SLC25A48: variants seen among roughly 807,000 people sequenced by gnomAD.
SLC25A48 encodes the protein CTC-321K16.1.
SLC25A48 carries 29 observed loss-of-function variants against 32.2 expected under a neutral mutation model. The observed-to-expected ratio is 0.90, with a 90% CI of 0.67 to 1.23. The LOEUF (loss-of-function observed/expected upper bound fraction) is 1.23. SLC25A48 is among the 50% of genes most tolerant of loss of function. The pLI is 0.00. For missense variants in SLC25A48, 399 were observed against 422.7 expected, an observed-to-expected ratio of 0.94 and a Z score of 0.49; for synonymous variants, 164 against 172.3, an observed-to-expected ratio of 0.95 and a Z score of 0.38.
intron 3 of SLC25A48, among the ~76,000 whole-genome samples, chr5:135,777,747 G>T (rs1319062354): frequency 6.8e-6 from 1 of 148,078 alleles, no homozygotes; most frequent in Non-Finnish European, 1.5e-5. Context: ...AATACCGAAT[G>T]ATGTGTACAA....
chr5:135,684,811 G>T (rs1753979265), intron 3 of SLC25A48, among the ~76,000 whole-genome samples: 1 of 152,130 alleles, frequency 6.6e-6, no homozygotes, highest in African/African-American at 2.4e-5. Flanking sequence ...CCATTGTGTG[G>T]GTATAGCATA....
intron 4 of SLC25A48, among the ~76,000 whole-genome samples, chr5:135,813,396 G>T (rs188143191): frequency 6.4e-4 from 98 of 152,286 alleles, no homozygotes; most frequent in Admixed American, 2.1e-3. Context: ...TGAAGACAGG[G>T]CCAGAAGTGG....
At chr5:135,705,718 A>G (rs1361163579) in intron 3 of SLC25A48, among the ~76,000 whole-genome samples, 1 of 152,184 alleles carries the variant, frequency 6.6e-6, no homozygotes, top group African/African-American at 2.4e-5. Context: ...GCAAGTTTGA[A>G]CAAGTTACTC....
intron 2 of SLC25A48, among the ~76,000 whole-genome samples, chr5:135,844,812 G>A (rs933973657): frequency 3.3e-5 from 5 of 152,132 alleles, no homozygotes; most frequent in African/African-American, 1.2e-4. Context: ...GGGTCAGTGG[G>A]ACACCTCAAA....
At chr5:135,777,068 G>A (rs370586689) in intron 3 of SLC25A48, among the ~76,000 whole-genome samples, 6 of 151,736 alleles carry the variant, frequency 4.0e-5, no homozygotes, top group South Asian at 2.1e-4. Flanking sequence ...TCCCAATATC[G>A]CAGGGGTTGT....
At chr5:135,882,053 G>A (rs138308500) in intron 7 of SLC25A48, among the ~76,000 whole-genome samples, 5 of 152,236 alleles carry the variant, frequency 3.3e-5, no homozygotes, top group Admixed American at 6.5e-5. Context: ...ACCCAATCAC[G>A]ATTGTCCTGC....
At chr5:135,740,218 G>A (rs1435226626) in intron 3 of SLC25A48, among the ~76,000 whole-genome samples, 2 of 151,994 alleles carry the variant, frequency 1.3e-5, no homozygotes, top group African/African-American at 2.4e-5. Context: ...TTTTCAGACG[G>A]TGTCTCGGTC....
intron 3 of SLC25A48, among the ~76,000 whole-genome samples, chr5:135,665,882 C>A (rs780284997): frequency 6.6e-6 from 1 of 152,142 alleles, no homozygotes; most frequent in Non-Finnish European, 1.5e-5. Flanking sequence ...CCAGGTCCCA[C>A]ACTTTGGCCT....
intron 1 of SLC25A48, among the ~76,000 whole-genome samples, chr5:135,840,562 C>T (rs1758906555): frequency 6.6e-6 from 1 of 152,206 alleles, no homozygotes; most frequent in Non-Finnish European, 1.5e-5. Flanking sequence ...CTTCAAGAGT[C>T]ACTCCCATTT....
intron 1 of SLC25A48, among the ~76,000 whole-genome samples, chr5:135,627,991 G>A (rs952471566): frequency 6.6e-6 from 1 of 152,180 alleles, no homozygotes; most frequent in Admixed American, 6.5e-5. Context: ...TGAGAATGCT[G>A]AGGCATGCAC....
chr5:135,853,999 C>A (rs1428777335), intron 4 of SLC25A48, among the ~76,000 whole-genome samples: 1 of 152,198 alleles, frequency 6.6e-6, no homozygotes, highest in Non-Finnish European at 1.5e-5. Flanking sequence ...TGTATCTCCA[C>A]CAGAACTCTT....
chr5:135,878,204 G>C (rs1762191778), intron 6 of SLC25A48, among the ~76,000 whole-genome samples: 1 of 152,188 alleles, frequency 6.6e-6, no homozygotes, highest in Non-Finnish European at 1.5e-5. Context: ...GCTGTCTGCT[G>C]GTCTGAAGTG....
At chr5:135,610,842 A>C (rs1414441351) in intron 1 of SLC25A48, among the ~76,000 whole-genome samples, 1 of 152,224 alleles carries the variant, frequency 6.6e-6, no homozygotes, top group Non-Finnish European at 1.5e-5. Context: ...CATATAGAAA[A>C]TGCTTTCTCA....
At chr5:135,603,922 G>C (rs1424864253) in intron 1 of SLC25A48, among the ~76,000 whole-genome samples, 1 of 152,166 alleles carries the variant, frequency 6.6e-6, no homozygotes, top group African/African-American at 2.4e-5. Flanking sequence ...GGCCTTGTTG[G>C]TGTTTCCCCT....
At chr5:135,791,716 A>C (rs1191836518) in intron 3 of SLC25A48, among the ~76,000 whole-genome samples, 1 of 151,650 alleles carries the variant, frequency 6.6e-6, no homozygotes, top group Non-Finnish European at 1.5e-5. Context: ...ACACTGTGAT[A>C]TTATTGGTAA....
chr5:135,831,214 G>A (rs745682024), upstream of SLC25A48, among the ~76,000 whole-genome samples: 3 of 152,178 alleles, frequency 2.0e-5, no homozygotes, highest in Admixed American at 2.0e-4. Flanking sequence ...TCACACCTGG[G>A]AATGATGTGA....
At chr5:135,863,673 G>A (rs1420860651) in intron 4 of SLC25A48, among the ~76,000 whole-genome samples, 1 of 152,142 alleles carries the variant, frequency 6.6e-6, no homozygotes, top group Non-Finnish European at 1.5e-5. Flanking sequence ...TTTTACAGGT[G>A]AGAAAACCGA....
intron 3 of SLC25A48, among the ~76,000 whole-genome samples, chr5:135,760,186 C>T (rs1054415493): frequency 6.6e-6 from 1 of 152,182 alleles, no homozygotes; most frequent in Non-Finnish European, 1.5e-5. Context: ...TTGTTATACA[C>T]TTTATTACTA....
At chr5:135,835,149 A>G (rs1322336748) in intron 1 of SLC25A48, 1 of 685,014 alleles carries the variant, frequency 1.5e-6, no homozygotes, top group South Asian at 1.5e-5. Context: ...GGACTTGATG[A>G]GGTAATGATT....
Sources: allele counts gnomAD v4.1 joint callset (sites outside exome capture counted in the v4.1 genomes callset), GRCh38; gene constraint gnomAD v4.1.1; transcripts MANE v1.5; gene names NCBI Gene and HGNC (gene_info 2026-07-23, HGNC 2026-07-21).